PSD4: variants seen among roughly 807,000 people sequenced by gnomAD.
PSD4 encodes the protein PH and SEC7 domain-containing protein 4.
PSD4 carries 59 observed loss-of-function variants against 112.5 expected under a neutral mutation model. The observed-to-expected ratio is 0.52, with a 90% CI of 0.43 to 0.65. The LOEUF is 0.65. PSD4 is among the 30% of genes least tolerant of loss of function. The pLI is 0.00. For missense variants in PSD4, 1,267 were observed against 1,352.6 expected, an observed-to-expected ratio of 0.94 and a Z score of 0.99; for synonymous variants, 533 against 540.0, an observed-to-expected ratio of 0.99 and a Z score of 0.18.
chr2:113,188,844 A>AG (rs1688375194), intron 5 of PSD4, among the ~76,000 whole-genome samples: 1 of 152,220 alleles, frequency 6.6e-6, no homozygotes, highest in Non-Finnish European at 1.5e-5. Context: ...CTGGGATTAT[A>AG]GGCGTGAGCC....
chr2:113,184,857 G>A lies in PSD4; in HGVS notation c.1057-100G>A, dbSNP rs145429344. On this transcript the variant is annotated intron_variant, in intron 2 of 16. Coordinates refer to ENST00000245796, the MANE Select transcript of PSD4 (RefSeq NM_012455.3). ...CAGGGCCATCAGGGCAGACTGTGAA[G>A]GGAGGAGGCTTCATGGGATTTGAGA... 1.0e-4 allele frequency: 155 copies of A among 1,528,000 alleles called. No individual in the cohort carries two copies. In the East Asian group the frequency reaches 2.4e-3, roughly 24 times the overall value. The allele number at this position is 1,528,000 out of a possible 1,614,324, so 94.7% of individuals were successfully genotyped here.
intron 6 of PSD4, among the ~76,000 whole-genome samples, 169 bp downstream of exon 6, chr2:113,192,758 C>A (rs1409132553): frequency 6.6e-6 from 1 of 152,178 alleles, no homozygotes; most frequent in Non-Finnish European, 1.5e-5. Context: ...TGCTTACTCT[C>A]AGTCATGGTC....
At position 113,193,643 on chromosome 2, in the gene PSD4, A is replaced by G; in HGVS notation, c.2084A>G (p.His695Arg). 6.2e-7 allele frequency: 1 copy of G among 1,613,350 alleles called. No individual in the cohort carries two copies. Among genetic ancestry groups the G allele is most frequent in the Middle Eastern group, 1.7e-4 (1 of 6,060 alleles). ...CAIMLLNTDL[H>R]GQNIGKSMSC... is the part of the protein sequence containing the mutation. Reference sequence around the variant, plus strand: ...ATCATGCTGCTTAACACGGACCTGCATGGACAGGTAAGACGGTGGAGAGAG... The same window carrying G: ...ATCATGCTGCTTAACACGGACCTGCGTGGACAGGTAAGACGGTGGAGAGAG... Residue 695 changes from histidine (H) to arginine (R), a missense_variant, in exon 9 of 17, where the codon CAT (histidine) becomes CGT (arginine). By Grantham distance (29) the His-to-Arg change is conservative (BLOSUM62 0). This residue lies in a region of PSD4 where 544 missense variants were observed against 648.6 expected (regional missense o/e 0.84). Transcript: ENST00000245796.
In PSD4 at chr2:113,197,546, G is replaced by C; in HGVS notation, c.2387-18G>C. Reference sequence around the variant, plus strand: ...TGGTGCCCCCACCTACAACATTTGTGTTCTGTTCCTGGAACAGCGCCATGG... The same window carrying C: ...TGGTGCCCCCACCTACAACATTTGTCTTCTGTTCCTGGAACAGCGCCATGG... On this transcript the variant is annotated intron_variant, in intron 12 of 16. Coordinates refer to ENST00000245796, the MANE Select transcript of PSD4 (RefSeq NM_012455.3). 27 of 1,613,988 alleles carry C rather than the reference G, an allele frequency of 1.7e-5. No individual in the cohort carries two copies. Among genetic ancestry groups the C allele is most frequent in the Non-Finnish European group, 2.1e-5 (25 of 1,179,982 alleles).
In PSD4 at chr2:113,201,222, T is replaced by C; in HGVS notation, c.2978T>C (p.Leu993Pro). 2 of 1,614,170 alleles carry C rather than the reference T, an allele frequency of 1.2e-6. No homozygotes were observed. Among genetic ancestry groups the C allele is most frequent in the South Asian group, 2.2e-5 (2 of 91,082 alleles). Residue 993 changes from leucine to proline, a missense_variant, in exon 17 of 17, where the codon CTG (leucine) becomes CCG (proline). Physicochemically the swap from Leu to Pro is moderately conservative, Grantham distance 98. This residue lies in a region of PSD4 where 544 missense variants were observed against 648.6 expected (regional missense o/e 0.84). Coordinates refer to ENST00000245796, the MANE Select transcript of PSD4 (RefSeq NM_012455.3). ...CGCCTGCACTGCCCCTCTGATGCTC[T>C]GGACCTGTGGGAGGAGCAGCTGGGG... ...VARLHCPSDA[L>P]DLWEEQLGRE...
At chr2:113,199,509 C>T (rs983375772) in intron 16 of PSD4, among the ~76,000 whole-genome samples, 2 of 152,258 alleles carry the variant, frequency 1.3e-5, no homozygotes, top group Non-Finnish European at 2.9e-5. Flanking sequence ...ACACCCATAG[C>T]AGATGTTATT....
At chr2:113,186,881 A>G (rs1355592941) in intron 5 of PSD4, among the ~76,000 whole-genome samples, 2 of 152,162 alleles carry the variant, frequency 1.3e-5, no homozygotes, top group African/African-American at 4.8e-5. Flanking sequence ...CCTCAAGACT[A>G]TATGCCCCTG....
chr2:113,194,286 G>C (rs1422540285), intron 10 of PSD4, among the ~76,000 whole-genome samples: 2 of 152,194 alleles, frequency 1.3e-5, no homozygotes, highest in African/African-American at 4.8e-5. Context: ...TGAAAGTCTG[G>C]AGCTCAGACT....
intron 1 of PSD4, among the ~76,000 whole-genome samples, chr2:113,178,797 G>A (rs979619911): frequency 1.2e-4 from 18 of 152,138 alleles, no homozygotes; most frequent in African/African-American, 3.1e-4. Context: ...CAGGTACAAT[G>A]TGTGGAGTTG....
chr2:113,198,979 A>G, intron 15 of PSD4, 95 bp downstream of exon 15: 2 of 1,527,384 alleles, frequency 1.3e-6, no homozygotes, highest in Non-Finnish European at 1.8e-6. Context: ...CGGGCTGCGC[A>G]CTTGGCCTGG....
intron 1 of PSD4, among the ~76,000 whole-genome samples, chr2:113,175,978 T>C (rs1031759686): frequency 1.3e-5 from 2 of 152,138 alleles, no homozygotes; most frequent in Admixed American, 1.3e-4. Flanking sequence ...AGGAACCAGG[T>C]GGAGTTTTTC....
chr2:113,197,733 C>G lies in PSD4; in HGVS notation c.2458-14C>G. 1 of 1,607,202 alleles carries G rather than the reference C, an allele frequency of 6.2e-7. No individual in the cohort carries two copies. The highest frequency in any genetic ancestry group is 8.5e-7 in the Non-Finnish European group (1 of 1,174,402). Reference sequence around the variant, plus strand: ...CTGATGATAACCTCTTCTCTGAGCCCCTGTGACTGGTAGCAGGGAGAAGAC... The same window carrying G: ...CTGATGATAACCTCTTCTCTGAGCCGCTGTGACTGGTAGCAGGGAGAAGAC... On this transcript the variant is annotated splice_polypyrimidine_tract_variant and intron_variant, in intron 13 of 16. Coordinates refer to ENST00000245796, the MANE Select transcript of PSD4 (RefSeq NM_012455.3).
At position 113,198,766 on chromosome 2, in the gene PSD4, T is replaced by C. The variant is rs1034503843; in HGVS notation, c.2651T>C (p.Ile884Thr). The C allele has an allele frequency of 1.3e-6, 2 of 1,578,820 alleles. No individual in the cohort carries two copies. Among genetic ancestry groups the C allele is most frequent in the Non-Finnish European group, 1.7e-6 (2 of 1,165,068 alleles). The change falls in exon 15 of 17, where the codon ATC becomes ACC. Residue 884 changes from isoleucine (I) to threonine (T), a missense_variant. Physicochemically the swap from Ile to Thr is moderately conservative, Grantham distance 89. This residue lies in a region of PSD4 where 544 missense variants were observed against 648.6 expected (regional missense o/e 0.84). Transcript: ENST00000245796. Reference protein sequence around the residue: ...APTAKEMSSWIARINLAAATH... With the variant: ...APTAKEMSSWTARINLAAATH... ...ACTGCCAAGGAGATGAGCTCCTGGATCGCGCGCATCAACTTGGCTGCGGCC... is the reference window on the plus strand; with the variant it reads ...ACTGCCAAGGAGATGAGCTCCTGGACCGCGCGCATCAACTTGGCTGCGGCC...
At position 113,201,706 on chromosome 2, in the gene PSD4, C is replaced by G. The variant is rs879069205; in HGVS notation, c.*291C>G. ...TTGACTTTCCTCCCAGAGCTCAGCC[C>G]ATGTCACCCTCCAGGCCCCAGAATC... On this transcript the variant is annotated 3_prime_UTR_variant, in exon 17 of 17. Coordinates refer to ENST00000245796, the MANE Select transcript of PSD4 (RefSeq NM_012455.3). 4.3e-6 allele frequency: 2 copies of G among 460,874 alleles called. No homozygotes were observed. Among genetic ancestry groups the G allele is most frequent in the South Asian group, 5.0e-5 (2 of 40,270 alleles). 28.5% of individuals were successfully genotyped at this position (460,874 alleles called of 1,614,324 possible).
intron 5 of PSD4, among the ~76,000 whole-genome samples, chr2:113,188,964 T>C (rs1019478639): frequency 2.6e-5 from 4 of 152,218 alleles, no homozygotes; most frequent in African/African-American, 9.6e-5. Flanking sequence ...GTTGCATGAA[T>C]AAGTTCTTGA....
chr2:113,182,774 C>A lies in PSD4; in HGVS notation c.318C>A (p.Pro106=). 2 of 1,595,188 alleles carry A rather than the reference C, an allele frequency of 1.3e-6. No individual in the cohort carries two copies. The highest frequency in any genetic ancestry group is 1.7e-6 in the Non-Finnish European group (2 of 1,169,012). The stretch of plus-strand genomic sequence containing the variant: ...AATCTACCAGACAAGATGCTCCTCC[C>A]TGGGGCTCCGGTGTGGAGCTCACAC... ...PPESTRQDAP[P]WGSGVELTHL... The change falls in exon 2 of 17, where the codon CCC becomes CCA. Residue 106 remains proline (P), a synonymous_variant. Coordinates refer to ENST00000245796, the MANE Select transcript of PSD4 (RefSeq NM_012455.3).
rs1688252920 is a variant in PSD4 at position 113,184,979 on chromosome 2, C to T, written c.1079C>T (p.Pro360Leu). The T allele has an allele frequency of 1.9e-6, 3 of 1,614,102 alleles. No homozygotes were observed. The highest frequency in any genetic ancestry group is 1.3e-5 in the African/African-American group (1 of 74,944). ...CAGGGAGATAGGCTTGGTCCTGCTC[C>T]ATCTGCAGCACCGTGTGTGGACGAA... The part of the protein sequence containing the change: ...ESEGDRLGPA[P>L]SAAPCVDEAL... Residue 360 changes from proline (P) to leucine (L), a missense_variant, in exon 3 of 17, where the codon CCA becomes CTA. Transcript: ENST00000245796.
intron 12 of PSD4, 23 bp downstream of exon 12, chr2:113,196,330 CAG>C (rs758565596): frequency 1.9e-5 from 31 of 1,603,046 alleles, no homozygotes; most frequent in African/African-American, 6.7e-5. Context: ...TGCCCACAAA[CAG>C]GGTGGCGTGC....
chr2:113,203,409 G>T lies in PSD4; in HGVS notation c.*1994G>T, dbSNP rs960220801. ...CTCCTTGGGTAATTCTGATGTGTAA[G>T]TAGCAGTTAGCTGCAGTAGAGTCCA... On this transcript the variant is annotated 3_prime_UTR_variant, in exon 17 of 17. Transcript: ENST00000245796. 8 of 152,218 alleles carry T rather than the reference G, an allele frequency of 5.3e-5. No homozygotes were observed. Among genetic ancestry groups the T allele is most frequent in the Admixed American group, 1.3e-4 (2 of 15,282 alleles). The allele number at this position is 152,218 out of a possible 1,614,324, so 9.4% of individuals were successfully genotyped here. A position where few individuals can be genotyped will look rare whatever the true frequency, so the allele number is the denominator to read the frequency against.
Sources: gnomAD v4.1 joint callset for allele counts (sites outside exome capture counted in the v4.1 genomes callset) on GRCh38, gnomAD v4.1.1 for gene constraint, gnomAD v4.1.1 regional missense constraint, MANE v1.5 for transcripts, NCBI Gene and HGNC (gene_info 2026-07-23, HGNC 2026-07-21) for gene names.